ALK: variants seen among roughly 807,000 people sequenced by gnomAD.
ALK encodes ALK tyrosine kinase receptor.
In ALK, 74 loss-of-function variants were observed where a neutral mutation model predicts 163.1. The observed-to-expected ratio is 0.45, with a 90% CI of 0.38 to 0.55. The LOEUF (loss-of-function observed/expected upper bound fraction) is 0.55. Ranked by LOEUF, ALK falls within the 20% of genes least tolerant of loss-of-function variation. ALK has a pLI of 0.00. For missense variants in ALK, 2,063 were observed against 2,105.3 expected (o/e 0.98, Z 0.39); for synonymous variants, 960 against 843.2 (o/e 1.14, Z -2.40).
chr2:29,822,814 T>C (rs895714272), intron 1 of ALK, among the ~76,000 whole-genome samples: 8 of 152,226 alleles, frequency 5.3e-5, no homozygotes, highest in African/African-American at 1.9e-4. Flanking sequence ...TCACTGGACT[T>C]CTCACAGCCT....
intron 1 of ALK, among the ~76,000 whole-genome samples, chr2:29,844,852 C>T (rs369433231): frequency 1.1e-5 from 1 of 94,012 alleles, no homozygotes; most frequent in East Asian, 3.0e-4. Context: ...ACCCTGATAA[C>T]CCCCCTGCAC....
At chr2:29,464,460 T>A (rs1178155597) in intron 4 of ALK, among the ~76,000 whole-genome samples, 1 of 152,228 alleles carries the variant, frequency 6.6e-6, no homozygotes, top group Non-Finnish European at 1.5e-5. Flanking sequence ...GGCATTATTG[T>A]GTTCAAACAC....
rs537725463 is a variant in ALK at position 29,771,943 on chromosome 2, A to G, written c.668-54246T>C. Among the ~76,000 whole-genome samples the G allele has an allele frequency of 3.3e-5, 5 of 152,358 alleles. No homozygotes were observed. In the South Asian group the frequency reaches 1.0e-3, roughly 32 times the overall value. ...TCTTATCTCCTCTGCACTCTTTCTC[A>G]GGAAGCTGACTGAGGAGGGGCTCCT... is the stretch of plus-strand genomic sequence containing the variant. On this transcript the variant is annotated intron_variant, in intron 1 of 28. Coordinates refer to ENST00000389048, the MANE Select transcript of ALK (RefSeq NM_004304.5).
chr2:29,471,891 C>T (rs1386797735), intron 4 of ALK, among the ~76,000 whole-genome samples: 2 of 152,010 alleles, frequency 1.3e-5, no homozygotes, highest in African/African-American at 4.8e-5. Context: ...ACAGGTGGTC[C>T]CCACCACATC....
At chr2:29,572,586 T>C (rs1244401612) in intron 3 of ALK, among the ~76,000 whole-genome samples, 2 of 152,170 alleles carry the variant, frequency 1.3e-5, no homozygotes, top group Non-Finnish European at 2.9e-5. Context: ...TATTATATTC[T>C]CATAGCAGCC....
At chr2:29,568,452 T>C (rs1427009229) in intron 3 of ALK, among the ~76,000 whole-genome samples, 2 of 152,160 alleles carry the variant, frequency 1.3e-5, no homozygotes, top group African/African-American at 2.4e-5. Context: ...AGTGAAAACC[T>C]AATTGAGAGC....
intron 3 of ALK, among the ~76,000 whole-genome samples, chr2:29,623,338 A>G (rs1676091760): frequency 6.6e-6 from 1 of 152,270 alleles, no homozygotes; most frequent in African/African-American, 2.4e-5. Context: ...GTTAAATTAT[A>G]ATCTGATAAA....
intron 11 of ALK, among the ~76,000 whole-genome samples, chr2:29,252,595 T>C (rs760499451): frequency 2.1e-4 from 32 of 152,210 alleles, no homozygotes; most frequent in Admixed American, 6.5e-4. Context: ...TTTGTCATGC[T>C]GCCCTGGCCC....
At chr2:29,413,987 A>G (rs912109526) in intron 4 of ALK, among the ~76,000 whole-genome samples, 4 of 152,230 alleles carry the variant, frequency 2.6e-5, no homozygotes, top group African/African-American at 9.6e-5. Context: ...ATTATCAAGT[A>G]CTATGTACTG....
At chr2:29,424,633 C>G (rs1469283405) in intron 4 of ALK, among the ~76,000 whole-genome samples, 1 of 152,102 alleles carries the variant, frequency 6.6e-6, no homozygotes, top group Non-Finnish European at 1.5e-5. Flanking sequence ...CTTCTGGTCC[C>G]TAAGAGCTTA....
chr2:29,807,426 CCTT>C (rs1664649076), intron 1 of ALK, among the ~76,000 whole-genome samples: 1 of 152,174 alleles, frequency 6.6e-6, no homozygotes, highest in Admixed American at 6.5e-5. Flanking sequence ...GAGGAGGTGT[CCTT>C]CTGCCAGGGA....
chr2:29,625,425 A>G (rs1318752680), intron 3 of ALK, among the ~76,000 whole-genome samples: 1 of 152,236 alleles, frequency 6.6e-6, no homozygotes, highest in Non-Finnish European at 1.5e-5. Context: ...TACCATTTGC[A>G]AAGTTCTTCT....
At chr2:29,587,551 A>T (rs1249068534) in intron 3 of ALK, among the ~76,000 whole-genome samples, 1 of 152,176 alleles carries the variant, frequency 6.6e-6, no homozygotes, top group African/African-American at 2.4e-5. Context: ...TTTTTAGTTC[A>T]AGTCACATGC....
At chr2:29,271,074 G>T (rs1399086455) in intron 11 of ALK, among the ~76,000 whole-genome samples, 1 of 152,292 alleles carries the variant, frequency 6.6e-6, no homozygotes, top group East Asian at 1.9e-4. Context: ...CCTCTATTGG[G>T]GTGTGCTACT....
chr2:29,728,136 T>G (rs1679626800), intron 1 of ALK, among the ~76,000 whole-genome samples: 3 of 152,296 alleles, frequency 2.0e-5, no homozygotes, highest in African/African-American at 7.2e-5. Context: ...AAAAAATCAC[T>G]GAGAAAGAAA....
chr2:29,305,948 C>G (rs1420899575), intron 8 of ALK, among the ~76,000 whole-genome samples: 1 of 152,166 alleles, frequency 6.6e-6, no homozygotes, highest in Non-Finnish European at 1.5e-5. Context: ...CACTGCTGAT[C>G]TGACAGGAGG....
intron 26 of ALK, among the ~76,000 whole-genome samples, chr2:29,200,071 C>A (rs1462127339): frequency 6.6e-6 from 1 of 152,142 alleles, no homozygotes; most frequent in Non-Finnish European, 1.5e-5. Context: ...ATTATTAGAT[C>A]TCTTGATTTT....
chr2:29,491,309 T>G (rs1671893189), intron 4 of ALK, among the ~76,000 whole-genome samples: 1 of 152,072 alleles, frequency 6.6e-6, no homozygotes, highest in Admixed American at 6.5e-5. Context: ...CCTCTCAGAG[T>G]GCCTAGAACA....
At chr2:29,843,640 C>T (rs865857255) in intron 1 of ALK, among the ~76,000 whole-genome samples, 1 of 152,112 alleles carries the variant, frequency 6.6e-6, no homozygotes, top group Non-Finnish European at 1.5e-5. Context: ...TGGCCAACAG[C>T]TTTGCAAAGA....
Sources: allele counts gnomAD v4.1 joint callset (sites outside exome capture counted in the v4.1 genomes callset), GRCh38; gene constraint gnomAD v4.1.1; transcripts MANE v1.5; gene names NCBI Gene and HGNC (gene_info 2026-07-23, HGNC 2026-07-21).